TSNAX: variants seen among roughly 807,000 people sequenced by gnomAD.
TSNAX encodes the protein translin-associated protein X.
A neutral mutation model predicts 33.0 loss-of-function variants in TSNAX; 12 were observed. The observed-to-expected ratio is 0.36, with a 90% CI of 0.23 to 0.59. The LOEUF is 0.59. TSNAX is among the 20% of genes least tolerant of loss of function. The probability of loss-of-function intolerance (pLI) is 0.74; values close to 1 mark genes in which losing one functional copy is unlikely to be tolerated. For synonymous variants in TSNAX, 110 were observed against 117.2 expected (o/e 0.94, Z 0.40); for missense variants, 267 against 341.3 (o/e 0.78, Z 1.72).
Position 231,538,786 on chromosome 1 carries a change from G to A in TSNAX, c.236+1459G>A, listed in dbSNP as rs552890898. On this transcript the variant is annotated intron_variant, in intron 3 of 5. Transcript: ENST00000366639. ...TCTCTACAAAAAATACAAAAAACTAGCTGGAGATGGTGGTATGCAAGTGTA... is the reference window on the plus strand; with the variant it reads ...TCTCTACAAAAAATACAAAAAACTAACTGGAGATGGTGGTATGCAAGTGTA... Among the ~76,000 whole-genome samples, 10 of 152,246 alleles carry A rather than the reference G, an allele frequency of 6.6e-5. No homozygotes were observed. The South Asian group carries it at 2.1e-3, about 32-fold the overall frequency.
chr1:231,529,115 C>CT, intron 1 of TSNAX, 140 bp from the exon 2 acceptor site: 4 of 843,098 alleles, frequency 4.7e-6, no homozygotes, highest in Non-Finnish European at 7.3e-6. Flanking sequence ...GGCAGCGTCT[C>CT]TGTCAGTCTG....
At chr1:231,561,663 A>G (rs560403355) in intron 5 of TSNAX, among the ~76,000 whole-genome samples, 2 of 152,304 alleles carry the variant, frequency 1.3e-5, no homozygotes, top group South Asian at 2.1e-4. Flanking sequence ...AGCCACAACT[A>G]AAAAGTGTGG....
rs111312581 is a variant in TSNAX at position 231,528,964 on chromosome 1, C to A, written c.16+138C>A. ...TCGGGGGCGGCCCCTCTGTTTCTCT[C>A]CCCGGCCAGATCGGCCCTGTTTACA... On this transcript the variant is annotated intron_variant, in intron 1 of 5. Transcript: ENST00000366639. 2.9e-3 allele frequency: 3,504 copies of A among 1,197,172 alleles called. 92 individuals are homozygous for A. In the African/African-American group the frequency reaches 0.048, roughly 16 times the overall value. 74.2% of individuals were successfully genotyped at this position (1,197,172 alleles called of 1,614,324 possible).
At chr1:231,557,186 G>T (rs560448188) in intron 4 of TSNAX, among the ~76,000 whole-genome samples, 2 of 152,150 alleles carry the variant, frequency 1.3e-5, no homozygotes, top group Non-Finnish European at 2.9e-5. Context: ...GGATGTGAGT[G>T]CCTGTTGGCC....
chr1:231,551,380 A>G (rs1052978693), intron 4 of TSNAX, among the ~76,000 whole-genome samples: 3 of 152,182 alleles, frequency 2.0e-5, no homozygotes, highest in African/African-American at 7.2e-5. Flanking sequence ...TTAATATTCC[A>G]TATCGCTGTA....
chr1:231,562,431 A>G (rs1661178917), intron 5 of TSNAX, among the ~76,000 whole-genome samples: 1 of 152,068 alleles, frequency 6.6e-6, no homozygotes, highest in Non-Finnish European at 1.5e-5. Context: ...TATGAAGTGT[A>G]TTAAGGAGGA....
At position 231,547,378 on chromosome 1, in the gene TSNAX, C is replaced by CT. The variant is rs1036404786; in HGVS notation, c.367+4777dup. Reference sequence around the variant, plus strand: ...TTTTATCTAAAGCTAAAGGCTTTTTCTTTTTTTTTTCTTTTTTTTTTTTTT... The same window carrying CT: ...TTTTATCTAAAGCTAAAGGCTTTTTCTTTTTTTTTTTCTTTTTTTTTTTTTT... On this transcript the variant is annotated intron_variant, in intron 4 of 5. Transcript: ENST00000366639. Among the ~76,000 whole-genome samples, 1,098 of 116,582 alleles carry CT rather than the reference C, an allele frequency of 9.4e-3. 9 individuals are homozygous for CT. Among genetic ancestry groups the CT allele is most frequent in the African/African-American group, 0.032 (1,009 of 31,524 alleles). 76.5% of individuals were successfully genotyped at this position (116,582 alleles called of 152,430 possible). A position where few individuals can be genotyped will look rare whatever the true frequency, so the allele number is the denominator to read the frequency against.
intron 4 of TSNAX, among the ~76,000 whole-genome samples, chr1:231,548,130 G>A (rs1332343978): frequency 6.6e-6 from 1 of 152,122 alleles, no homozygotes; most frequent in Non-Finnish European, 1.5e-5. Context: ...ACCGCGCCTG[G>A]CCACCATTGC....
intron 3 of TSNAX, among the ~76,000 whole-genome samples, chr1:231,538,830 A>G (rs184472535): frequency 6.6e-6 from 1 of 151,932 alleles, no homozygotes; most frequent in East Asian, 1.9e-4. Context: ...TGCTCAGGAG[A>G]CTGAGGCAGG....
At chr1:231,547,389 CTT>C (rs71179784) in intron 4 of TSNAX, among the ~76,000 whole-genome samples, 18 of 104,684 alleles carry the variant, frequency 1.7e-4, no homozygotes, top group African/African-American at 5.3e-4. Context: ...TTTTTTTTTT[CTT>C]TTTTTTTTTT....
intron 4 of TSNAX, among the ~76,000 whole-genome samples, chr1:231,546,667 A>G (rs1033970936): frequency 2.0e-5 from 3 of 152,260 alleles, no homozygotes; most frequent in African/African-American, 7.2e-5. Context: ...GCAGAAACAG[A>G]TTAATAAACT....
rs4614245 is a variant in TSNAX at position 231,541,548 on chromosome 1, A to T, written c.237-933A>T. Among the ~76,000 whole-genome samples the T allele has an allele frequency of 7.7e-3, 1,178 of 152,234 alleles. 43 individuals carry two copies. The highest frequency in any genetic ancestry group is 0.065 in the Admixed American group (999 of 15,274). On this transcript the variant is annotated intron_variant, in intron 3 of 5. Coordinates refer to ENST00000366639, the MANE Select transcript of TSNAX (RefSeq NM_005999.3). The stretch of plus-strand genomic sequence containing the variant: ...TATTTCTACTTTTGTTGTTTCCACA[A>T]TATGTTATGATTTTTACTTTAAACA...
chr1:231,550,140 C>T (rs963921941), intron 4 of TSNAX, among the ~76,000 whole-genome samples: 8 of 152,222 alleles, frequency 5.3e-5, no homozygotes, highest in South Asian at 4.1e-4. Flanking sequence ...TCTTTAAAGA[C>T]CTTGTCTGCA....
chr1:231,550,776 G>A (rs1377067680), intron 4 of TSNAX, among the ~76,000 whole-genome samples: 1 of 152,202 alleles, frequency 6.6e-6, no homozygotes, highest in African/African-American at 2.4e-5. Flanking sequence ...GGGGGAATTG[G>A]AAGCTGACAA....
intron 3 of TSNAX, among the ~76,000 whole-genome samples, chr1:231,537,589 A>G (rs1659264314): frequency 6.6e-6 from 1 of 151,988 alleles, no homozygotes; most frequent in African/African-American, 2.4e-5. Flanking sequence ...AAAAATACAA[A>G]AATTAGGTGG....
chr1:231,529,628 T>A (rs1658524378), intron 2 of TSNAX, among the ~76,000 whole-genome samples: 1 of 152,220 alleles, frequency 6.6e-6, no homozygotes. Flanking sequence ...ACTCAAGAAT[T>A]GTGTACCTGA....
At chr1:231,548,711 G>A (rs1660105425) in intron 4 of TSNAX, among the ~76,000 whole-genome samples, 1 of 152,194 alleles carries the variant, frequency 6.6e-6, no homozygotes, top group African/African-American at 2.4e-5. Context: ...AAATTAATTG[G>A]AAATCTTAGG....
chr1:231,532,682 GATA>G (rs1233207316), intron 2 of TSNAX, among the ~76,000 whole-genome samples: 2 of 151,826 alleles, frequency 1.3e-5, no homozygotes, highest in Non-Finnish European at 2.9e-5. Context: ...GTCATTTTGT[GATA>G]ATCTCTTGTT....
chr1:231,563,523 A>C (rs2124950852), intron 5 of TSNAX: 1 of 155,144 alleles, frequency 6.4e-6, no homozygotes, highest in Non-Finnish European at 1.5e-5. Flanking sequence ...ACACCTTATG[A>C]AGCAAGGTCC....
Sources: allele counts gnomAD v4.1 joint callset (sites outside exome capture counted in the v4.1 genomes callset), GRCh38; gene constraint gnomAD v4.1.1; transcripts MANE v1.5; gene names NCBI Gene and HGNC (gene_info 2026-07-23, HGNC 2026-07-21).